The following RGS7 variants were observed in gnomAD, a reference collection of about 807,000 sequenced individuals.
RGS7 encodes the protein regulator of G-protein signaling 7.
Under a neutral mutation model 81.1 loss-of-function variants are expected in RGS7, and 27 were observed. The ratio of observed to expected loss-of-function variants is 0.33; its 90% CI spans 0.25 to 0.46. The LOEUF (loss-of-function observed/expected upper bound fraction) is 0.46, where lower values mean the gene tolerates loss of function less well. RGS7 is among the 20% of genes least tolerant of loss of function. The pLI is 1.00. For synonymous variants in RGS7, 208 were observed against 207.7 expected (o/e 1.00, Z -0.01); for missense variants, 396 against 607.4 (o/e 0.65, Z 3.66).
At chr1:240,982,218 G>A (rs1370241303) in intron 4 of RGS7, among the ~76,000 whole-genome samples, 1 of 151,886 alleles carries the variant, frequency 6.6e-6, no homozygotes, top group African/African-American at 2.4e-5. Context: ...TCAGAAGTTC[G>A]AGACCAGCCT....
In RGS7 at chr1:241,334,127, G is replaced by T. The variant is rs557342343; in HGVS notation, c.78+21572C>A. Among the ~76,000 whole-genome samples the T allele has an allele frequency of 7.2e-5, 11 of 152,016 alleles. No individual in the cohort carries two copies. In the East Asian group the frequency reaches 1.5e-3, roughly 21 times the overall value. ...AGTACTCCGTCGCTTCCCCAAAAAG[G>T]TAAACTAGATATTAAAACTCTACCT... On this transcript the variant is annotated intron_variant, in intron 2 of 18. Coordinates refer to ENST00000440928, the MANE Select transcript of RGS7 (RefSeq NM_001364886.1).
Position 241,098,741 on chromosome 1 carries a change from T to A in RGS7, c.100A>T (p.Met34Leu). 1 of 1,612,684 alleles carries A rather than the reference T, an allele frequency of 6.2e-7. No individual in the cohort carries two copies. The highest frequency in any genetic ancestry group is 8.5e-7 in the Non-Finnish European group (1 of 1,179,160). The change falls in exon 3 of 19, where the codon ATG becomes TTG. Residue 34 changes from methionine to leucine, a missense_variant. Physicochemically the swap from Met to Leu is conservative, Grantham distance 15. Coordinates refer to ENST00000440928, the MANE Select transcript of RGS7 (RefSeq NM_001364886.1). ...YRKMEDVIARMQDEKNGIPIR... is the reference protein window; with the variant it reads ...YRKMEDVIARLQDEKNGIPIR... The stretch of plus-strand genomic sequence containing the variant: ...GGAATTCCATTTTTTTCATCTTGCA[T>A]CCGTGCTATGACGTCTTCCATCTAA...
chr1:241,331,222 G>GT lies in RGS7; in HGVS notation c.78+24476dup, dbSNP rs554094740. On this transcript the variant is annotated intron_variant, in intron 2 of 18. Coordinates refer to ENST00000440928, the MANE Select transcript of RGS7 (RefSeq NM_001364886.1). ...TGTGCTGCTGATTATTGAACTGGAA[G>GT]TAACCACAAGGTCTGCAAAACCTCT... Among the ~76,000 whole-genome samples, 1,032 of 152,222 alleles carry GT rather than the reference G, an allele frequency of 6.8e-3. 9 individuals are homozygous for GT. Among genetic ancestry groups the GT allele is most frequent in the Middle Eastern group, 0.01 (3 of 294 alleles).
intron 2 of RGS7, among the ~76,000 whole-genome samples, chr1:241,334,404 G>A (rs1004889387): frequency 6.6e-6 from 1 of 152,094 alleles, no homozygotes; most frequent in African/African-American, 2.4e-5. Context: ...GATTGGCTGG[G>A]TCATAAAGAT....
intron 3 of RGS7, among the ~76,000 whole-genome samples, chr1:241,040,500 C>CTTAT (rs1188572761): frequency 1.1e-4 from 17 of 149,886 alleles, no homozygotes; most frequent in East Asian, 1.9e-4. Context: ...TATTTATTTA[C>CTTAT]TTATTTATTT....
At chr1:241,133,771 A>G (rs1158921128) in intron 2 of RGS7, among the ~76,000 whole-genome samples, 2 of 152,222 alleles carry the variant, frequency 1.3e-5, no homozygotes, top group Non-Finnish European at 2.9e-5. Flanking sequence ...CAAACAAACA[A>G]AAAACAAACC....
chr1:241,114,545 G>C (rs963261241), intron 2 of RGS7, among the ~76,000 whole-genome samples: 1 of 151,938 alleles, frequency 6.6e-6, no homozygotes, highest in Non-Finnish European at 1.5e-5. Context: ...AAGAATCTGG[G>C]GTAAATCCTT....
At chr1:241,309,386 C>CAAAA (rs71571833) in intron 2 of RGS7, among the ~76,000 whole-genome samples, 26 of 85,236 alleles carry the variant, frequency 3.1e-4, no homozygotes, top group African/African-American at 7.8e-4. Context: ...AACTCCAACT[C>CAAAA]AAAAAAAAAA....
intron 6 of RGS7, among the ~76,000 whole-genome samples, chr1:240,925,799 A>AT (rs746908669): frequency 1.3e-5 from 2 of 152,026 alleles, no homozygotes; most frequent in African/African-American, 2.4e-5. Flanking sequence ...TTATTTATTG[A>AT]TTTTTTAGTA....
At chr1:241,093,978 A>T (rs1448050141) in intron 3 of RGS7, among the ~76,000 whole-genome samples, 1 of 152,200 alleles carries the variant, frequency 6.6e-6, no homozygotes, top group Admixed American at 6.5e-5. Flanking sequence ...GTGAAACAAA[A>T]GGTAGATGTT....
At chr1:240,781,842 C>T (rs1684149504) in intron 18 of RGS7, among the ~76,000 whole-genome samples, 1 of 152,118 alleles carries the variant, frequency 6.6e-6, no homozygotes, top group Middle Eastern at 3.4e-3. Flanking sequence ...TAGTGAAACC[C>T]TGTCTCTACT....
intron 3 of RGS7, among the ~76,000 whole-genome samples, chr1:241,091,789 A>G (rs1051330170): frequency 6.6e-6 from 1 of 152,034 alleles, no homozygotes; most frequent in African/African-American, 2.4e-5. Flanking sequence ...TGGGAGGCTA[A>G]GGCAGGAAGA....
At chr1:241,073,622 A>G (rs1431198026) in intron 3 of RGS7, among the ~76,000 whole-genome samples, 1 of 152,194 alleles carries the variant, frequency 6.6e-6, no homozygotes, top group Non-Finnish European at 1.5e-5. Flanking sequence ...AATCGGGTGA[A>G]TCTGCAAAAT....
At chr1:241,208,945 A>C (rs1437953668) in intron 2 of RGS7, among the ~76,000 whole-genome samples, 1 of 152,166 alleles carries the variant, frequency 6.6e-6, no homozygotes, top group East Asian at 1.9e-4. Context: ...ACGGACAGAA[A>C]CCTATCAGCG....
intron 2 of RGS7, among the ~76,000 whole-genome samples, chr1:241,106,551 T>A (rs1361227249): frequency 6.9e-6 from 1 of 145,904 alleles, no homozygotes; most frequent in Non-Finnish European, 1.5e-5. Flanking sequence ...CTGTCTCTAC[T>A]AAAAATACAA....
intron 2 of RGS7, among the ~76,000 whole-genome samples, chr1:241,216,709 A>C (rs1023070084): frequency 6.6e-6 from 1 of 152,190 alleles, no homozygotes; most frequent in Admixed American, 6.5e-5. Flanking sequence ...TTTGTGGCCC[A>C]AACAAATGGA....
At chr1:240,916,216 G>T (rs1311986555) in intron 6 of RGS7, among the ~76,000 whole-genome samples, 3 of 150,256 alleles carry the variant, frequency 2.0e-5, no homozygotes, top group African/African-American at 7.3e-5. Flanking sequence ...GGCAGAGGTT[G>T]CAGTGAGCCA....
intron 2 of RGS7, among the ~76,000 whole-genome samples, chr1:241,342,290 T>C (rs2082612420): frequency 1.3e-5 from 2 of 152,128 alleles, no homozygotes; most frequent in East Asian, 3.9e-4. Context: ...AGGAAAATAT[T>C]AGGCCCATCA....
chr1:241,279,475 C>A (rs1015502739), intron 2 of RGS7, among the ~76,000 whole-genome samples: 1 of 152,152 alleles, frequency 6.6e-6, no homozygotes, highest in Non-Finnish European at 1.5e-5. Flanking sequence ...GTACCTATGT[C>A]CTATATATTT....
Sources: gnomAD v4.1 joint callset for allele counts (sites outside exome capture counted in the v4.1 genomes callset) on GRCh38, gnomAD v4.1.1 for gene constraint, MANE v1.5 for transcripts, NCBI Gene and HGNC (gene_info 2026-07-23, HGNC 2026-07-21) for gene names.